The following ZMYM2 variants were observed in gnomAD, a reference collection of about 807,000 sequenced individuals.
The protein encoded by ZMYM2 is zinc finger MYM-type containing 2, also known as zinc finger MYM-type protein 2.
Under a neutral mutation model 162.8 loss-of-function variants are expected in ZMYM2, and 56 were observed. That is an observed-to-expected ratio of 0.34 (90% CI 0.28 to 0.43). The LOEUF is 0.43. Ranked by LOEUF, ZMYM2 falls within the 20% of genes least tolerant of loss-of-function variation. ZMYM2 has a pLI of 1.00. For synonymous variants in ZMYM2, 510 were observed against 541.6 expected (o/e 0.94, Z 0.81); for missense variants, 1,275 against 1,621.8 (o/e 0.79, Z 3.67).
chr13:19,878,827 G>C, the ZMYM2 span, among the ~76,000 whole-genome samples: 1 of 152,070 alleles, frequency 6.6e-6, no homozygotes, highest in Non-Finnish European at 1.5e-5. Context: ...GCCCATTTTT[G>C]AATCAGGTTA....
chr13:19,926,628 C>T, the ZMYM2 span, among the ~76,000 whole-genome samples: 43 of 151,944 alleles, frequency 2.8e-4, no homozygotes, highest in East Asian at 7.2e-3. Context: ...CCTCCCAAAG[C>T]GCTGGGATTA....
At chr13:19,929,634 A>G in the ZMYM2 span, among the ~76,000 whole-genome samples, 2 of 125,394 alleles carry the variant, frequency 1.6e-5, 1 homozygote, top group East Asian at 5.4e-4. Flanking sequence ...TTGGCATGGT[A>G]CAATGTCTTT....
intron 1 of ZMYM2, among the ~76,000 whole-genome samples, 170 bp downstream of exon 1, chr13:19,959,011 C>T (rs1448919785): frequency 6.6e-6 from 1 of 151,882 alleles, no homozygotes; most frequent in African/African-American, 2.4e-5. Context: ...TACCCCGCGG[C>T]GCGGCCGCCG....
At chr13:20,025,700 C>G (rs1028208169) in intron 7 of ZMYM2, 1 of 152,210 alleles carries the variant, frequency 6.6e-6, no homozygotes, top group Non-Finnish European at 1.5e-5. Context: ...GACAAGAATA[C>G]GTTCTGAAAA....
At chr13:19,962,823 C>CTT (rs1222624528) in intron 2 of ZMYM2, among the ~76,000 whole-genome samples, 1 of 92,296 alleles carries the variant, frequency 1.1e-5, no homozygotes. Flanking sequence ...CTTGCCCAGC[C>CTT]ATTTTTTTTT....
the ZMYM2 span, among the ~76,000 whole-genome samples, chr13:19,908,809 C>T: frequency 2.6e-5 from 4 of 152,122 alleles, no homozygotes; most frequent in Non-Finnish European, 4.4e-5. Context: ...TTTGTGATAC[C>T]ACATGTCATG....
the ZMYM2 span, among the ~76,000 whole-genome samples, chr13:19,922,247 A>C: frequency 1.3e-5 from 2 of 152,100 alleles, no homozygotes; most frequent in Non-Finnish European, 2.9e-5. Context: ...AAAAAGGGGC[A>C]GGGAGTGGGC....
At chr13:19,932,800 T>C in the ZMYM2 span, among the ~76,000 whole-genome samples, 2 of 152,210 alleles carry the variant, frequency 1.3e-5, no homozygotes, top group African/African-American at 4.8e-5. Flanking sequence ...CTTGACTTTA[T>C]ATCCTCTGGA....
rs1400619913 is a variant in ZMYM2 at position 20,087,837 on chromosome 13, T to C, written c.*1823T>C. ...AGACAAGTGGGTAACATTTAAAATA[T>C]ATAATACAAAAATTTTCTCTAACTT... is the stretch of plus-strand genomic sequence containing the variant. On this transcript the variant is annotated 3_prime_UTR_variant, in exon 25 of 25. Coordinates refer to ENST00000610343, the MANE Select transcript of ZMYM2 (RefSeq NM_197968.4). 3.2e-5 allele frequency: 6 copies of C among 186,704 alleles called. No homozygotes were observed. Among genetic ancestry groups the C allele is most frequent in the Non-Finnish European group, 4.5e-5 (4 of 88,380 alleles). 11.6% of individuals were successfully genotyped at this position (186,704 alleles called of 1,614,324 possible). A position where few individuals can be genotyped will look rare whatever the true frequency, so the allele number is the denominator to read the frequency against.
At chr13:19,904,617 AAGGTAT>A in the ZMYM2 span, among the ~76,000 whole-genome samples, 2 of 152,160 alleles carry the variant, frequency 1.3e-5, no homozygotes, top group Non-Finnish European at 2.9e-5. Flanking sequence ...AGCAAACCAA[AAGGTAT>A]AGCAACATTT....
At chr13:20,080,134 T>C (rs1957812321) in intron 21 of ZMYM2, among the ~76,000 whole-genome samples, 1 of 152,238 alleles carries the variant, frequency 6.6e-6, no homozygotes, top group Non-Finnish European at 1.5e-5. Flanking sequence ...TAGGAAATGC[T>C]ATTTTTAGAG....
the ZMYM2 span, among the ~76,000 whole-genome samples, chr13:19,870,277 T>A: frequency 6.2e-3 from 939 of 152,276 alleles, 11 homozygotes; most frequent in Middle Eastern, 0.01. Context: ...TGCCTCAGCC[T>A]CCCAAGTAGC....
intron 7 of ZMYM2, chr13:20,025,704 C>T (rs950932350): frequency 1.3e-5 from 2 of 152,248 alleles, no homozygotes; most frequent in African/African-American, 4.8e-5. Flanking sequence ...AGAATACGTT[C>T]TGAAAAATGC....
the ZMYM2 span, among the ~76,000 whole-genome samples, chr13:19,905,871 C>T: frequency 0.92 from 139,494 of 152,244 alleles, 65,098 homozygotes; most frequent in Non-Finnish European, 1. Context: ...CTGGGCATGG[C>T]GGCTCATGCC....
At chr13:20,044,295 G>C (rs1325188972) in intron 12 of ZMYM2, among the ~76,000 whole-genome samples, 1 of 152,202 alleles carries the variant, frequency 6.6e-6, no homozygotes, top group Admixed American at 6.5e-5. Flanking sequence ...TCCTCCTGCT[G>C]AGATTCCAGA....
intron 12 of ZMYM2, among the ~76,000 whole-genome samples, chr13:20,037,412 C>T (rs940877063): frequency 2.6e-5 from 4 of 151,814 alleles, no homozygotes; most frequent in Non-Finnish European, 4.4e-5. Context: ...GACAGGGTTT[C>T]ACCGTGTTGG....
chr13:20,031,181 G>T, intron 9 of ZMYM2, 138 bp from the exon 10 acceptor site: 1 of 521,038 alleles, frequency 1.9e-6, no homozygotes, highest in Non-Finnish European at 3.3e-6. Flanking sequence ...ACAAAATTTG[G>T]AAATGAGTTT....
At chr13:19,883,488 A>T in the ZMYM2 span, among the ~76,000 whole-genome samples, 1 of 152,292 alleles carries the variant, frequency 6.6e-6, no homozygotes, top group East Asian at 1.9e-4. Context: ...ACAACGTGTA[A>T]AATAAAAGGC....
intron 12 of ZMYM2, among the ~76,000 whole-genome samples, chr13:20,045,867 T>G (rs936973411): frequency 4.6e-5 from 7 of 152,128 alleles, no homozygotes; most frequent in African/African-American, 7.2e-5. Context: ...GGAGGATTTT[T>G]TTGTTGTTGT....
Sources: allele counts gnomAD v4.1 joint callset (sites outside exome capture counted in the v4.1 genomes callset), GRCh38; gene constraint gnomAD v4.1.1; transcripts MANE v1.5; gene names NCBI Gene and HGNC (gene_info 2026-07-23, HGNC 2026-07-21).